MAP3K20: variants seen among roughly 807,000 people sequenced by gnomAD.
MAP3K20 encodes the protein mitogen-activated protein kinase kinase kinase 20.
MAP3K20 carries 40 observed loss-of-function variants against 85.7 expected under a neutral mutation model. The observed-to-expected ratio is 0.47, with a 90% CI of 0.36 to 0.61. MAP3K20 has a LOEUF of 0.61. Among genes scored for constraint, MAP3K20 ranks in the 20% least tolerant of loss-of-function variants. The pLI, the probability that MAP3K20 is intolerant of heterozygous loss-of-function variation, is 0.00. For synonymous variants in MAP3K20, 325 were observed against 327.7 expected (o/e 0.99, Z 0.09); for missense variants, 817 against 961.7 (o/e 0.85, Z 1.99).
intron 2 of MAP3K20, among the ~76,000 whole-genome samples, chr2:173,103,978 C>T (rs1397154989): frequency 6.6e-6 from 1 of 152,138 alleles, no homozygotes; most frequent in Non-Finnish European, 1.5e-5. Flanking sequence ...TGGAACTACA[C>T]TGGTAAATAA....
chr2:173,221,803 C>A, intron 11 of MAP3K20: 1 of 1,090,244 alleles, frequency 9.2e-7, no homozygotes, highest in Non-Finnish European at 1.1e-6. Flanking sequence ...CAATATAGGA[C>A]TTTTAAAGTT....
intron 3 of MAP3K20, among the ~76,000 whole-genome samples, chr2:173,174,784 A>T (rs1173788001): frequency 6.6e-6 from 1 of 152,220 alleles, no homozygotes; most frequent in Non-Finnish European, 1.5e-5. Flanking sequence ...ATGACTTTTT[A>T]AAGTTAACAT....
intron 2 of MAP3K20, among the ~76,000 whole-genome samples, chr2:173,099,363 T>G (rs1008699068): frequency 1.4e-5 from 2 of 145,998 alleles, no homozygotes; most frequent in Non-Finnish European, 3.0e-5. Flanking sequence ...AGGGTCTCCC[T>G]CTGTCCCCCA....
intron 11 of MAP3K20, chr2:173,221,759 G>A: frequency 1.6e-6 from 2 of 1,225,152 alleles, no homozygotes; most frequent in Non-Finnish European, 2.0e-6. Flanking sequence ...CAGCAAATGT[G>A]GTGCCTGATT....
Position 173,232,366 on chromosome 2 carries a change from A to G in MAP3K20, c.1110A>G (p.Glu370=), listed in dbSNP as rs1423486057. Residue 370 remains glutamate, a synonymous_variant, in exon 14 of 20, where the codon GAA becomes GAG. Coordinates refer to ENST00000375213, the MANE Select transcript of MAP3K20 (RefSeq NM_016653.3). ...EMSVYASLFK[E]NNITGKRLLL... ...GTGTATATGCAAGCTTGTTTAAAGAAAACAACATTACAGGGAAGCGGCTGC... is the reference window on the plus strand; with the variant it reads ...GTGTATATGCAAGCTTGTTTAAAGAGAACAACATTACAGGGAAGCGGCTGC... 6.2e-7 allele frequency: 1 copy of G among 1,614,262 alleles called. No homozygotes were observed. The highest frequency in any genetic ancestry group is 1.3e-5 in the African/African-American group (1 of 75,072).
intron 11 of MAP3K20, chr2:173,225,633 T>C: frequency 2.0e-6 from 2 of 984,702 alleles, no homozygotes; most frequent in Non-Finnish European, 2.4e-6. Flanking sequence ...CCGGTAGCAT[T>C]GTCCCTTCCC....
intron 15 of MAP3K20, among the ~76,000 whole-genome samples, 166 bp downstream of exon 15, chr2:173,238,601 AC>A (rs1343587716): frequency 6.6e-6 from 1 of 152,204 alleles, no homozygotes; most frequent in Admixed American, 6.5e-5. Flanking sequence ...TATAAATTGA[AC>A]ACCCTTGTTC....
At chr2:173,097,057 G>T (rs1450184131) in intron 2 of MAP3K20, among the ~76,000 whole-genome samples, 1 of 152,212 alleles carries the variant, frequency 6.6e-6, no homozygotes, top group African/African-American at 2.4e-5. Context: ...ACATGACAAA[G>T]AGTTCATCAG....
chr2:173,113,728 A>G (rs1688039336), intron 2 of MAP3K20, among the ~76,000 whole-genome samples: 1 of 152,090 alleles, frequency 6.6e-6, no homozygotes, highest in East Asian at 1.9e-4. Flanking sequence ...GTTGATTTCT[A>G]GTTTTATTCC....
At chr2:173,238,317 T>C in intron 14 of MAP3K20, 56 bp from the exon 15 acceptor site, 1 of 1,460,680 alleles carries the variant, frequency 6.8e-7, no homozygotes, top group East Asian at 2.3e-5. Context: ...CCAATGATTT[T>C]AGTCTTCTCT....
intron 1 of MAP3K20, among the ~76,000 whole-genome samples, chr2:173,081,079 A>T (rs1687000489): frequency 6.6e-6 from 1 of 152,164 alleles, no homozygotes; most frequent in Admixed American, 6.5e-5. Flanking sequence ...TTGCTTTAAA[A>T]TTTTATATTT....
chr2:173,110,723 A>G (rs867923213), intron 2 of MAP3K20, among the ~76,000 whole-genome samples: 17 of 152,186 alleles, frequency 1.1e-4, no homozygotes, highest in Middle Eastern at 6.8e-3. Context: ...ATCTCCTCCA[A>G]TCTCATCCAG....
At chr2:173,106,581 G>T (rs1687788797) in intron 2 of MAP3K20, among the ~76,000 whole-genome samples, 1 of 152,236 alleles carries the variant, frequency 6.6e-6, no homozygotes. Context: ...CAGCTCAACA[G>T]TTGCAAGGGT....
rs191005700 is a variant in MAP3K20, at chr2:173,090,275, T to C, written c.-34-723T>C. Among the ~76,000 whole-genome samples the C allele has an allele frequency of 2.2e-4, 34 of 152,292 alleles. No individual in the cohort carries two copies. The South Asian group carries it at 3.7e-3, about 17-fold the overall frequency. On this transcript the variant is annotated intron_variant, in intron 1 of 19. Coordinates refer to ENST00000375213, the MANE Select transcript of MAP3K20 (RefSeq NM_016653.3). ...TGTAGGAAAGATCACTAGAATAATCTCTGGGAGGGGTAATACGTTTCTTTG... is the reference window on the plus strand; with the variant it reads ...TGTAGGAAAGATCACTAGAATAATCCCTGGGAGGGGTAATACGTTTCTTTG...
chr2:173,121,541 C>G (rs971012225), intron 2 of MAP3K20, among the ~76,000 whole-genome samples: 4 of 152,104 alleles, frequency 2.6e-5, no homozygotes, highest in East Asian at 3.9e-4. Flanking sequence ...CGCCCGCCAC[C>G]ACGCCCGGCT....
At chr2:173,089,953 A>G (rs1026109440) in intron 1 of MAP3K20, among the ~76,000 whole-genome samples, 1 of 152,238 alleles carries the variant, frequency 6.6e-6, no homozygotes, top group Non-Finnish European at 1.5e-5. Context: ...TGACATTCAT[A>G]ATTACAAGGA....
chr2:173,196,686 T>A (rs1276696640), intron 7 of MAP3K20, among the ~76,000 whole-genome samples: 1 of 152,210 alleles, frequency 6.6e-6, no homozygotes, highest in Non-Finnish European at 1.5e-5. Context: ...TTCTATGATT[T>A]GCTTGACTAG....
At chr2:173,131,390 T>C (rs1027822155) in intron 2 of MAP3K20, among the ~76,000 whole-genome samples, 1 of 152,176 alleles carries the variant, frequency 6.6e-6, no homozygotes, top group Non-Finnish European at 1.5e-5. Context: ...GTGATGGAGA[T>C]AGGGAAAGAG....
intron 2 of MAP3K20, among the ~76,000 whole-genome samples, chr2:173,092,791 C>G (rs952200578): frequency 1.4e-4 from 22 of 152,262 alleles, no homozygotes; most frequent in Admixed American, 1.1e-3. Flanking sequence ...TCCACTCCCC[C>G]CTCCCCAAGG....
Sources: allele counts gnomAD v4.1 joint callset (sites outside exome capture counted in the v4.1 genomes callset), GRCh38; gene constraint gnomAD v4.1.1; transcripts MANE v1.5; gene names NCBI Gene and HGNC (gene_info 2026-07-23, HGNC 2026-07-21).